Variants in TAFA1 observed in about 807,000 individuals in gnomAD.
TAFA1 encodes the protein chemokine-like protein TAFA-1.
TAFA1 carries 4 observed loss-of-function variants against 18.5 expected under a neutral mutation model. The observed-to-expected ratio is 0.22, with a 90% CI of 0.11 to 0.49. The LOEUF (loss-of-function observed/expected upper bound fraction) is 0.49. Among genes scored for constraint, TAFA1 ranks in the 20% least tolerant of loss-of-function variants. TAFA1 has a pLI of 0.98. For missense variants in TAFA1, 147 were observed against 169.0 expected, an observed-to-expected ratio of 0.87 and a Z score of 0.72; for synonymous variants, 56 against 55.2, an observed-to-expected ratio of 1.01 and a Z score of -0.06.
At position 68,305,419 on chromosome 3, in the gene TAFA1, A is replaced by C. The variant is rs1157356058; in HGVS notation, c.119-111861A>C. Among the ~76,000 whole-genome samples, 24 of 47,554 alleles carry C rather than the reference A, an allele frequency of 5.0e-4. 1 individual carries two copies. Among genetic ancestry groups the C allele is most frequent in the South Asian group, 3.3e-3 (5 of 1,526 alleles). The allele number at this position is 47,554 out of a possible 152,430, so 31.2% of individuals were successfully genotyped here. On this transcript the variant is annotated intron_variant, in intron 2 of 4. Coordinates refer to ENST00000478136, the MANE Select transcript of TAFA1 (RefSeq NM_213609.4). ...TATATGACTATATGACTATATATAT[A>C]TATATATATATATATATATATATAT...
chr3:68,129,116 G>T (rs938681949), intron 2 of TAFA1, among the ~76,000 whole-genome samples: 1 of 152,168 alleles, frequency 6.6e-6, no homozygotes, highest in African/African-American at 2.4e-5. Context: ...AAATCTAAGG[G>T]CGAGTGGGGC....
intron 3 of TAFA1, among the ~76,000 whole-genome samples, chr3:68,489,508 T>C (rs1002042195): frequency 1.3e-5 from 2 of 152,248 alleles, no homozygotes; most frequent in Non-Finnish European, 2.9e-5. Flanking sequence ...CTCTGTATTG[T>C]TCTCTAGAAA....
intron 2 of TAFA1, among the ~76,000 whole-genome samples, chr3:68,173,824 G>T (rs915329102): frequency 5.9e-5 from 9 of 151,770 alleles, no homozygotes. Context: ...GTTTTTTTCA[G>T]AAGCATTTTG....
At chr3:68,358,396 C>A (rs2106788409) in intron 2 of TAFA1, among the ~76,000 whole-genome samples, 1 of 151,986 alleles carries the variant, frequency 6.6e-6, no homozygotes, top group East Asian at 1.9e-4. Context: ...ATTAACATTT[C>A]AACAAATCTG....
chr3:68,104,606 G>A (rs1400920513), intron 2 of TAFA1, among the ~76,000 whole-genome samples: 1 of 152,072 alleles, frequency 6.6e-6, no homozygotes, highest in East Asian at 1.9e-4. Context: ...ACCAGGAATT[G>A]GCAAACTATA....
chr3:68,480,103 T>G (rs1274607468), intron 3 of TAFA1, among the ~76,000 whole-genome samples: 1 of 152,024 alleles, frequency 6.6e-6, no homozygotes, highest in Admixed American at 6.6e-5. Context: ...ATATAAATTC[T>G]TGGGGTTGGC....
intron 2 of TAFA1, among the ~76,000 whole-genome samples, chr3:68,388,560 G>GT (rs1243488717): frequency 1.8e-4 from 24 of 136,666 alleles, no homozygotes; most frequent in East Asian, 1.9e-4. Flanking sequence ...CACCTATGAC[G>GT]TTTTTTTTAT....
chr3:68,497,917 G>A (rs934757818), intron 3 of TAFA1, among the ~76,000 whole-genome samples: 1 of 152,130 alleles, frequency 6.6e-6, no homozygotes, highest in African/African-American at 2.4e-5. Context: ...AGCAGTCATT[G>A]CTACAGGAAA....
At chr3:68,079,097 A>C (rs1013868305) in intron 2 of TAFA1, among the ~76,000 whole-genome samples, 1 of 152,142 alleles carries the variant, frequency 6.6e-6, no homozygotes, top group Non-Finnish European at 1.5e-5. Flanking sequence ...GTTTATCTGC[A>C]TAGAGGTGTT....
chr3:68,472,076 G>T (rs747086107), intron 3 of TAFA1, among the ~76,000 whole-genome samples: 1 of 151,936 alleles, frequency 6.6e-6, no homozygotes, highest in South Asian at 2.1e-4. Flanking sequence ...CATGAGATTT[G>T]GGGGGGACCA....
intron 2 of TAFA1, among the ~76,000 whole-genome samples, chr3:68,388,586 C>G (rs1337646384): frequency 6.6e-6 from 1 of 151,996 alleles, no homozygotes; most frequent in Non-Finnish European, 1.5e-5. Context: ...CACCAGCATC[C>G]TTTTTATTTG....
chr3:68,016,467 C>T (rs908625086), intron 2 of TAFA1, among the ~76,000 whole-genome samples: 1 of 152,024 alleles, frequency 6.6e-6, no homozygotes, highest in East Asian at 1.9e-4. Context: ...CACTTAGGTA[C>T]TAGAGTTAGG....
At chr3:68,193,452 G>T (rs969413504) in intron 2 of TAFA1, among the ~76,000 whole-genome samples, 3 of 151,680 alleles carry the variant, frequency 2.0e-5, no homozygotes, top group African/African-American at 7.3e-5. Context: ...ACTTAAAACA[G>T]CAAACAAGAA....
chr3:68,157,628 CATATGTG>C (rs1282395176), intron 2 of TAFA1, among the ~76,000 whole-genome samples: 1 of 151,362 alleles, frequency 6.6e-6, no homozygotes, highest in Non-Finnish European at 1.5e-5. Flanking sequence ...AATAAAAACT[CATATGTG>C]GTCTCTTTAG....
intron 2 of TAFA1, among the ~76,000 whole-genome samples, chr3:68,355,938 T>C (rs2069354224): frequency 6.6e-6 from 1 of 151,952 alleles, no homozygotes; most frequent in Non-Finnish European, 1.5e-5. Flanking sequence ...TTACTTAAAA[T>C]TAAATAATTA....
intron 3 of TAFA1, among the ~76,000 whole-genome samples, chr3:68,418,479 G>A (rs1438825446): frequency 1.2e-5 from 1 of 85,768 alleles, no homozygotes; most frequent in African/African-American, 4.2e-5. Flanking sequence ...GTTAAGGCAA[G>A]GACCGGCCAT....
At chr3:68,248,204 G>T (rs149309148) in intron 2 of TAFA1, among the ~76,000 whole-genome samples, 1 of 152,158 alleles carries the variant, frequency 6.6e-6, no homozygotes, top group Non-Finnish European at 1.5e-5. Flanking sequence ...AATATTCATC[G>T]TGTTAATTTC....
At chr3:68,093,046 ATGTT>A (rs2065046552) in intron 2 of TAFA1, among the ~76,000 whole-genome samples, 1 of 152,154 alleles carries the variant, frequency 6.6e-6, no homozygotes, top group African/African-American at 2.4e-5. Context: ...CACTTTATGT[ATGTT>A]TATTTCCTCT....
chr3:68,519,398 A>G (rs1327309263), intron 3 of TAFA1, among the ~76,000 whole-genome samples: 2 of 152,240 alleles, frequency 1.3e-5, no homozygotes, highest in African/African-American at 4.8e-5. Flanking sequence ...TCTGTCCTAT[A>G]TAAGGTACCC....
Sources: allele counts gnomAD v4.1 joint callset (sites outside exome capture counted in the v4.1 genomes callset), GRCh38; gene constraint gnomAD v4.1.1; transcripts MANE v1.5; gene names NCBI Gene and HGNC (gene_info 2026-07-23, HGNC 2026-07-21).